Variants in GRK3 observed in about 807,000 individuals in gnomAD.
The protein encoded by GRK3 is G protein-coupled receptor kinase 3, also known as adrenergic, beta, receptor kinase 2.
A neutral mutation model predicts 95.7 loss-of-function variants in GRK3; 54 were observed. The observed-to-expected ratio is 0.56, with a 90% CI of 0.45 to 0.71. The LOEUF is 0.71. Ranked by LOEUF, GRK3 falls within the 30% of genes least tolerant of loss-of-function variation. The pLI, the probability that GRK3 is intolerant of heterozygous loss-of-function variation, is 0.00. For synonymous variants in GRK3, 281 were observed against 290.8 expected, an observed-to-expected ratio of 0.97 and a Z score of 0.34; for missense variants, 649 against 851.2, an observed-to-expected ratio of 0.76 and a Z score of 2.96.
chr22:25,570,494 A>G (rs1039261224), intron 1 of GRK3, among the ~76,000 whole-genome samples: 5 of 152,244 alleles, frequency 3.3e-5, no homozygotes, highest in African/African-American at 1.2e-4. Flanking sequence ...TGCAATAAAA[A>G]TCACTTTCTC....
At chr22:25,580,817 A>ATG (rs1199745768) in intron 1 of GRK3, among the ~76,000 whole-genome samples, 2 of 152,224 alleles carry the variant, frequency 1.3e-5, no homozygotes, top group Non-Finnish European at 1.5e-5. Context: ...TTGTTTTAAA[A>ATG]TGCTTTAAAA....
At chr22:25,619,661 T>G (rs2084566486) in intron 2 of GRK3, among the ~76,000 whole-genome samples, 1 of 145,988 alleles carries the variant, frequency 6.8e-6, no homozygotes. Flanking sequence ...TTTTTTTTTT[T>G]TTTTTTTTTT....
intron 3 of GRK3, chr22:25,648,477 T>C: frequency 7.3e-7 from 1 of 1,374,234 alleles, no homozygotes; most frequent in Non-Finnish European, 1.0e-6. Context: ...TGGCAAAGTG[T>C]GGATGGGAAT....
rs566632686 is a variant in GRK3 at position 25,647,422 on chromosome 22, G to A, written c.264+2757G>A. ...AAGGGAACAGCAGTTAATTTCAGCCGTCTTTCCATTCCATTATACCATTTG... is the reference window on the plus strand; with the variant it reads ...AAGGGAACAGCAGTTAATTTCAGCCATCTTTCCATTCCATTATACCATTTG... On this transcript the variant is annotated intron_variant, in intron 3 of 20. Coordinates refer to ENST00000324198, the MANE Select transcript of GRK3 (RefSeq NM_005160.4). 1,232 of 1,318,742 alleles carry A rather than the reference G, an allele frequency of 9.3e-4. 2 individuals carry two copies. The highest frequency in any genetic ancestry group is 1.1e-3 in the Non-Finnish European group (993 of 913,820). 81.7% of individuals were successfully genotyped at this position (1,318,742 alleles called of 1,614,324 possible).
intron 13 of GRK3, among the ~76,000 whole-genome samples, chr22:25,700,776 C>T (rs1443172419): frequency 2.6e-5 from 4 of 152,018 alleles, no homozygotes; most frequent in Admixed American, 6.6e-5. Context: ...TTAGTAGAGA[C>T]GGGTTTCACC....
chr22:25,689,305 T>C (rs2085146885), intron 11 of GRK3, among the ~76,000 whole-genome samples: 1 of 152,186 alleles, frequency 6.6e-6, no homozygotes, highest in Admixed American at 6.5e-5. Flanking sequence ...TTGTAATACA[T>C]TCTAATTTAA....
intron 3 of GRK3, chr22:25,647,837 G>T: frequency 1.3e-6 from 1 of 766,890 alleles, no homozygotes; most frequent in South Asian, 1.4e-5. Flanking sequence ...ATGGCTGGGT[G>T]CAGTGGCTCA....
intron 1 of GRK3, among the ~76,000 whole-genome samples, chr22:25,585,066 T>C (rs1487999455): frequency 6.6e-6 from 1 of 152,274 alleles, no homozygotes; most frequent in Non-Finnish European, 1.5e-5. Context: ...CAGAACTGAC[T>C]AGGGAGGGGA....
At chr22:25,711,565 T>G (rs776976653) in intron 17 of GRK3, among the ~76,000 whole-genome samples, 2 of 152,208 alleles carry the variant, frequency 1.3e-5, no homozygotes, top group Non-Finnish European at 2.9e-5. Flanking sequence ...TGAATCATTT[T>G]GCATTTGTCA....
chr22:25,722,349 C>T lies in GRK3; in HGVS notation c.1966C>T (p.Arg656Trp), dbSNP rs368301810. The change falls in exon 21 of 21, where the codon CGG becomes TGG. Residue 656 changes from arginine to tryptophan, a missense_variant. Transcript: ENST00000324198. ...ELNETFKEAQRLLRRAPKFLN... is the reference protein window; with the variant it reads ...ELNETFKEAQWLLRRAPKFLN... ...GAACGAAACCTTCAAGGAGGCCCAG[C>T]GGCTATTGCGTCGTGCCCCGAAGTT... 14 of 1,614,054 alleles carry T rather than the reference C, an allele frequency of 8.7e-6. No individual in the cohort carries two copies. Among genetic ancestry groups the T allele is most frequent in the Non-Finnish European group, 1.2e-5 (14 of 1,180,020 alleles).
chr22:25,667,273 G>C (rs1250561422), intron 5 of GRK3, among the ~76,000 whole-genome samples: 1 of 152,206 alleles, frequency 6.6e-6, no homozygotes, highest in Non-Finnish European at 1.5e-5. Flanking sequence ...AAAACTCAGT[G>C]CAGATTACAG....
At chr22:25,621,670 T>C (rs1349454496) in intron 2 of GRK3, among the ~76,000 whole-genome samples, 1 of 152,240 alleles carries the variant, frequency 6.6e-6, no homozygotes, top group African/African-American at 2.4e-5. Flanking sequence ...TATTTTTACA[T>C]GGACCTTTTG....
chr22:25,720,658 G>A (rs1293299145), intron 19 of GRK3, among the ~76,000 whole-genome samples: 1 of 151,768 alleles, frequency 6.6e-6, no homozygotes, highest in Non-Finnish European at 1.5e-5. Flanking sequence ...TGTATTTTTA[G>A]TAGAGACGGG....
At chr22:25,574,667 C>G (rs1282890421) in intron 1 of GRK3, among the ~76,000 whole-genome samples, 1 of 152,142 alleles carries the variant, frequency 6.6e-6, no homozygotes, top group African/African-American at 2.4e-5. Flanking sequence ...GGTCTATTCT[C>G]TATTTAAAAT....
chr22:25,568,424 T>C (rs958780779), intron 1 of GRK3, among the ~76,000 whole-genome samples: 9 of 152,220 alleles, frequency 5.9e-5, no homozygotes, highest in African/African-American at 2.2e-4. Flanking sequence ...TTCTATTTAC[T>C]GGACATTTCA....
chr22:25,726,433 C>T lies in GRK3; in HGVS notation c.*3983C>T, dbSNP rs2085474663. On this transcript the variant is annotated 3_prime_UTR_variant, in exon 21 of 21. Transcript: ENST00000324198. ...ATGATTTAATCATATGCAGTGTTGT[C>T]TCAGTTACGTTCAGGGAAATGTTTC... The T allele has an allele frequency of 6.6e-6, 1 of 152,000 alleles. No individual in the cohort carries two copies. The highest frequency in any genetic ancestry group is 2.4e-5 in the African/African-American group (1 of 41,370). 9.4% of individuals were successfully genotyped at this position (152,000 alleles called of 1,614,324 possible).
At chr22:25,674,599 C>T (rs1323674154) in intron 8 of GRK3, 71 bp downstream of exon 8, 1 of 1,156,222 alleles carries the variant, frequency 8.6e-7, no homozygotes, top group Non-Finnish European at 1.3e-6. Context: ...AAGAAAATTC[C>T]TATAAAGAAA....
At position 25,663,625 on chromosome 22, in the gene GRK3, G is replaced by A; in HGVS notation, c.367-5G>A. 1 of 1,593,884 alleles carries A rather than the reference G, an allele frequency of 6.3e-7. No homozygotes were observed. The highest frequency in any genetic ancestry group is 1.1e-5 in the South Asian group (1 of 87,712). On this transcript the variant is annotated splice_polypyrimidine_tract_variant and splice_region_variant and intron_variant, in intron 4 of 20. Transcript: ENST00000324198. ...ATTTAAAAATATTATTTTTGACTTT[G>A]ATAGCCTTTCTCAAAGCAAGCTGTA...
At chr22:25,711,225 A>G (rs2085341637) in intron 17 of GRK3, 62 bp downstream of exon 17, 1 of 1,171,690 alleles carries the variant, frequency 8.5e-7, no homozygotes, top group African/African-American at 1.5e-5. Context: ...TCTGTTGGAA[A>G]TCAAACTTAG....
Sources: allele counts gnomAD v4.1 joint callset (sites outside exome capture counted in the v4.1 genomes callset), GRCh38; gene constraint gnomAD v4.1.1; transcripts MANE v1.5; gene names NCBI Gene and HGNC (gene_info 2026-07-23, HGNC 2026-07-21).